Variants in ARHGAP15 observed in about 807,000 individuals in gnomAD.
ARHGAP15 encodes Rho GTPase activating protein 15.
ARHGAP15 carries 51 observed loss-of-function variants against 63.7 expected under a neutral mutation model. The ratio of observed to expected loss-of-function variants is 0.80; its 90% CI spans 0.64 to 1.01. The LOEUF is 1.01. Ranked by LOEUF, ARHGAP15 falls within the 50% of genes least tolerant of loss-of-function variation. ARHGAP15 has a pLI of 0.00. For synonymous variants in ARHGAP15, 191 were observed against 193.8 expected, an observed-to-expected ratio of 0.99 and a Z score of 0.12; for missense variants, 560 against 564.6, an observed-to-expected ratio of 0.99 and a Z score of 0.08.
chr2:143,234,020 T>C (rs186997376), intron 5 of ARHGAP15, among the ~76,000 whole-genome samples: 17 of 152,264 alleles, frequency 1.1e-4, no homozygotes, highest in African/African-American at 4.1e-4. Flanking sequence ...GTTAAACCCA[T>C]GTTAAATTTC....
chr2:143,625,072 A>G (rs10171904), intron 12 of ARHGAP15, among the ~76,000 whole-genome samples: 74,076 of 152,018 alleles, frequency 0.49, 19,289 homozygotes, highest in Non-Finnish European at 0.59. Flanking sequence ...TGCTTACTGT[A>G]ACTGTGACAG....
intron 2 of ARHGAP15, among the ~76,000 whole-genome samples, chr2:143,184,186 A>T (rs1691348481): frequency 6.6e-6 from 1 of 152,208 alleles, no homozygotes; most frequent in Non-Finnish European, 1.5e-5. Flanking sequence ...AAAAGGCAAG[A>T]TTCTTGGTGA....
intron 2 of ARHGAP15, among the ~76,000 whole-genome samples, chr2:143,175,833 G>GT (rs1385580497): frequency 3.9e-5 from 6 of 152,060 alleles, no homozygotes; most frequent in Admixed American, 2.6e-4. Flanking sequence ...AGCAGATGTG[G>GT]TTTCAATGGA....
chr2:143,193,024 T>C (rs1691738067), intron 2 of ARHGAP15, among the ~76,000 whole-genome samples: 1 of 152,214 alleles, frequency 6.6e-6, no homozygotes, highest in African/African-American at 2.4e-5. Context: ...TGTGAATTCT[T>C]CCCTTTCATC....
At chr2:143,145,062 A>C (rs1689524368) in intron 1 of ARHGAP15, among the ~76,000 whole-genome samples, 2 of 152,052 alleles carry the variant, frequency 1.3e-5, no homozygotes, top group African/African-American at 4.8e-5. Flanking sequence ...CATATTTAAT[A>C]AGCTCCACAC....
At chr2:143,430,510 A>G (rs1044060406) in intron 6 of ARHGAP15, among the ~76,000 whole-genome samples, 4 of 151,972 alleles carry the variant, frequency 2.6e-5, no homozygotes, top group African/African-American at 9.7e-5. Flanking sequence ...TTGATCAGCT[A>G]TATGTGGAGT....
At chr2:143,537,987 G>C (rs1381312640) in intron 10 of ARHGAP15, among the ~76,000 whole-genome samples, 1 of 152,116 alleles carries the variant, frequency 6.6e-6, no homozygotes, top group Non-Finnish European at 1.5e-5. Context: ...CCATTTTCAC[G>C]ATATTGATTC....
At chr2:143,467,362 G>T (rs1691280076) in intron 8 of ARHGAP15, among the ~76,000 whole-genome samples, 1 of 149,410 alleles carries the variant, frequency 6.7e-6, no homozygotes, top group South Asian at 2.1e-4. Context: ...TACATATGTG[G>T]CAAATATTGA....
intron 13 of ARHGAP15, among the ~76,000 whole-genome samples, chr2:143,762,967 T>C (rs1192479877): frequency 6.6e-6 from 1 of 152,184 alleles, no homozygotes; most frequent in African/African-American, 2.4e-5. Flanking sequence ...CTACTTGAAG[T>C]ACACCTGACT....
intron 10 of ARHGAP15, among the ~76,000 whole-genome samples, chr2:143,540,391 A>G (rs183081550): frequency 2.5e-4 from 38 of 152,118 alleles, no homozygotes; most frequent in African/African-American, 8.0e-4. Flanking sequence ...TAAGGTTAGT[A>G]TTGTTATGTG....
At chr2:143,591,555 A>G (rs969569428) in intron 11 of ARHGAP15, among the ~76,000 whole-genome samples, 2 of 151,004 alleles carry the variant, frequency 1.3e-5, no homozygotes, top group East Asian at 3.9e-4. Context: ...ATAGATGACT[A>G]TTATTATTGT....
intron 13 of ARHGAP15, among the ~76,000 whole-genome samples, chr2:143,732,287 G>C (rs1472194430): frequency 6.6e-6 from 1 of 152,120 alleles, no homozygotes; most frequent in African/African-American, 2.4e-5. Context: ...ATAAAATTTG[G>C]CCCAAATCCA....
chr2:143,260,611 A>AT (rs1680669628), intron 6 of ARHGAP15, among the ~76,000 whole-genome samples: 1 of 152,162 alleles, frequency 6.6e-6, no homozygotes, highest in South Asian at 2.1e-4. Context: ...GGAGAATTAT[A>AT]TACTGAATTA....
chr2:143,667,582 T>TAAAAAAAAAAAAAAAAAAAAA (rs71338146), intron 12 of ARHGAP15, among the ~76,000 whole-genome samples: 1 of 138,950 alleles, frequency 7.2e-6, no homozygotes, highest in Non-Finnish European at 1.5e-5. Context: ...TAAAAAAAAT[T>TAAAAAAAAAAAAAAAAAAAAA]AAAAAAAAAA....
chr2:143,380,708 A>G (rs1443240828), intron 6 of ARHGAP15, among the ~76,000 whole-genome samples: 1 of 152,152 alleles, frequency 6.6e-6, no homozygotes, highest in Non-Finnish European at 1.5e-5. Flanking sequence ...TTTAAAGTAA[A>G]TGATCTCCAG....
chr2:143,238,158 C>A (rs1369069589), intron 5 of ARHGAP15: 1 of 151,930 alleles, frequency 6.6e-6, no homozygotes, highest in Non-Finnish European at 1.5e-5. Context: ...GATGAAAATG[C>A]CAAAAGCAAT....
chr2:143,371,126 T>C (rs1046668210), intron 6 of ARHGAP15, among the ~76,000 whole-genome samples: 2 of 152,212 alleles, frequency 1.3e-5, no homozygotes, highest in Admixed American at 1.3e-4. Context: ...TATTATTGGA[T>C]ATAGAAAGTA....
At chr2:143,504,703 A>G (rs1267201389) in intron 9 of ARHGAP15, among the ~76,000 whole-genome samples, 2 of 152,034 alleles carry the variant, frequency 1.3e-5, no homozygotes, top group Non-Finnish European at 2.9e-5. Flanking sequence ...CTTTTGCCCC[A>G]TTGTGTTCTC....
chr2:143,320,145 T>C (rs545773516), intron 6 of ARHGAP15, among the ~76,000 whole-genome samples: 1 of 152,272 alleles, frequency 6.6e-6, no homozygotes, highest in East Asian at 1.9e-4. Context: ...TGAAAGATAA[T>C]TAAAACTATG....
Sources: allele counts gnomAD v4.1 joint callset (sites outside exome capture counted in the v4.1 genomes callset), GRCh38; gene constraint gnomAD v4.1.1; transcripts MANE v1.5; gene names NCBI Gene and HGNC (gene_info 2026-07-23, HGNC 2026-07-21).